FAM3C: variants seen among roughly 807,000 people sequenced by gnomAD.
The protein encoded by FAM3C is FAM3 metabolism regulating signaling molecule C.
Under a neutral mutation model 32.5 loss-of-function variants are expected in FAM3C, and 15 were observed. The observed-to-expected ratio is 0.46, with a 90% CI of 0.31 to 0.71. The LOEUF (loss-of-function observed/expected upper bound fraction) is 0.71, where lower values mean the gene tolerates loss of function less well. Ranked by LOEUF, FAM3C falls within the 30% of genes least tolerant of loss-of-function variation. The pLI, the probability that FAM3C is intolerant of heterozygous loss-of-function variation, is 0.05. For synonymous variants in FAM3C, 75 were observed against 86.1 expected (o/e 0.87, Z 0.72); for missense variants, 175 against 274.4 (o/e 0.64, Z 2.56).
intron 8 of FAM3C, among the ~76,000 whole-genome samples, chr7:121,358,994 C>A (rs936682996): frequency 6.6e-6 from 1 of 150,958 alleles, no homozygotes; most frequent in Admixed American, 6.6e-5. Flanking sequence ...GAAAAAAAAA[C>A]CACTTGTGAA....
chr7:121,394,033 C>T (rs1794634206), intron 1 of FAM3C, among the ~76,000 whole-genome samples: 1 of 152,030 alleles, frequency 6.6e-6, no homozygotes, highest in Non-Finnish European at 1.5e-5. Context: ...AAGAAATGGG[C>T]ATAAAAATAA....
chr7:121,361,732 G>A (rs146095284), intron 7 of FAM3C, among the ~76,000 whole-genome samples: 1 of 152,316 alleles, frequency 6.6e-6, no homozygotes, highest in African/African-American at 2.4e-5. Flanking sequence ...CTGGAGTGCA[G>A]TGGCAAGATC....
chr7:121,383,158 G>A, intron 1 of FAM3C, 148 bp from the exon 2 acceptor site: 1 of 532,050 alleles, frequency 1.9e-6, no homozygotes, highest in Non-Finnish European at 3.3e-6. Flanking sequence ...AAAAAAAAAT[G>A]GGCCTGTCTT....
chr7:121,392,452 G>C (rs541625891), intron 1 of FAM3C, among the ~76,000 whole-genome samples: 2 of 152,126 alleles, frequency 1.3e-5, no homozygotes, highest in African/African-American at 4.8e-5. Flanking sequence ...TCACTGTCAC[G>C]AGAACAACAT....
Position 121,349,437 on chromosome 7 carries a change from C to A in FAM3C, c.*1024G>T, listed in dbSNP as rs1347629953. The A allele has an allele frequency of 6.6e-6, 1 of 152,118 alleles. No individual in the cohort carries two copies. The highest frequency in any genetic ancestry group is 6.5e-5 in the Admixed American group (1 of 15,268). 9.4% of individuals were successfully genotyped at this position (152,118 alleles called of 1,614,324 possible). A position where few individuals can be genotyped will look rare whatever the true frequency, so the allele number is the denominator to read the frequency against. On this transcript the variant is annotated 3_prime_UTR_variant, in exon 10 of 10. Coordinates refer to ENST00000359943, the MANE Select transcript of FAM3C (RefSeq NM_014888.3). ...GGGTATAAAGTCATTTGGGGTCAAACACAATTATTTTTTAAATGTTATCAG... is the reference window on the plus strand; with the variant it reads ...GGGTATAAAGTCATTTGGGGTCAAAAACAATTATTTTTTAAATGTTATCAG...
intron 8 of FAM3C, among the ~76,000 whole-genome samples, chr7:121,351,742 G>T (rs1793709473): frequency 6.6e-6 from 1 of 152,124 alleles, no homozygotes; most frequent in Non-Finnish European, 1.5e-5. Flanking sequence ...TTATTTAAAA[G>T]AAAATGAATT....
intron 1 of FAM3C, among the ~76,000 whole-genome samples, chr7:121,393,732 T>A (rs931620808): frequency 6.6e-5 from 10 of 152,140 alleles, no homozygotes; most frequent in African/African-American, 2.2e-4. Flanking sequence ...TAAAAGAAAG[T>A]ACAAAACCTT....
chr7:121,393,138 T>C (rs900249545), intron 1 of FAM3C, among the ~76,000 whole-genome samples: 2 of 152,290 alleles, frequency 1.3e-5, no homozygotes, highest in Admixed American at 6.5e-5. Context: ...CATAACATCA[T>C]GAACGTGCTA....
chr7:121,385,742 T>C (rs1468537808), intron 1 of FAM3C, among the ~76,000 whole-genome samples: 1 of 152,180 alleles, frequency 6.6e-6, no homozygotes, highest in Non-Finnish European at 1.5e-5. Context: ...CACTCTATAT[T>C]GACAAAATTG....
At chr7:121,368,306 G>C (rs147770996) in intron 5 of FAM3C, among the ~76,000 whole-genome samples, 157 of 152,272 alleles carry the variant, frequency 1.0e-3, no homozygotes, top group African/African-American at 3.7e-3. Context: ...AAATTACAAT[G>C]TTCCCTGGAA....
chr7:121,385,777 G>A (rs946588954), intron 1 of FAM3C, among the ~76,000 whole-genome samples: 4 of 152,066 alleles, frequency 2.6e-5, no homozygotes, highest in African/African-American at 4.8e-5. Context: ...TTACCAGGAG[G>A]GGGATTTCTT....
intron 8 of FAM3C, among the ~76,000 whole-genome samples, chr7:121,352,906 C>A (rs1304838827): frequency 1.3e-5 from 2 of 152,194 alleles, no homozygotes; most frequent in Non-Finnish European, 2.9e-5. Context: ...TCTACACTTG[C>A]ATCATCAGCA....
At position 121,383,025 on chromosome 7, in the gene FAM3C, C is replaced by T; in HGVS notation, c.-41-15G>A. ...TTAATATGCTCCTAAAAAATCAAAA[C>T]AAAAAGCAAATATCATTAGCTCTAG... On this transcript the variant is annotated splice_polypyrimidine_tract_variant and intron_variant, in intron 1 of 9. Transcript: ENST00000359943. 7.0e-7 allele frequency: 1 copy of T among 1,427,660 alleles called. No individual in the cohort carries two copies. The allele number at this position is 1,427,660 out of a possible 1,614,324, so 88.4% of individuals were successfully genotyped here. A position where few individuals can be genotyped will look rare whatever the true frequency, so the allele number is the denominator to read the frequency against.
intron 8 of FAM3C, among the ~76,000 whole-genome samples, chr7:121,358,803 G>T (rs1183961097): frequency 6.6e-6 from 1 of 151,882 alleles, no homozygotes; most frequent in Non-Finnish European, 1.5e-5. Context: ...ATAGGCATTA[G>T]TCTAAAATTC....
chr7:121,381,690 A>G (rs1794360788), intron 2 of FAM3C, among the ~76,000 whole-genome samples: 2 of 151,304 alleles, frequency 1.3e-5, no homozygotes, highest in Admixed American at 1.3e-4. Flanking sequence ...ACACACACAC[A>G]CGCATGCAAC....
chr7:121,389,239 T>C (rs967150445), intron 1 of FAM3C, among the ~76,000 whole-genome samples: 5 of 152,136 alleles, frequency 3.3e-5, no homozygotes, highest in Non-Finnish European at 5.9e-5. Context: ...AAGAATTTCA[T>C]AGTACAACCC....
chr7:121,350,893 G>T (rs559360879), intron 9 of FAM3C, among the ~76,000 whole-genome samples: 15 of 152,206 alleles, frequency 9.9e-5, no homozygotes, highest in Admixed American at 7.9e-4. Flanking sequence ...TTCCGAAAAG[G>T]CTTAAGATAG....
chr7:121,357,506 T>TA (rs1562883632), intron 8 of FAM3C, among the ~76,000 whole-genome samples: 16 of 151,902 alleles, frequency 1.1e-4, no homozygotes, highest in South Asian at 4.1e-4. Context: ...GATAAAAGGG[T>TA]TATATATATA....
At chr7:121,385,822 T>C (rs1179092406) in intron 1 of FAM3C, among the ~76,000 whole-genome samples, 1 of 152,164 alleles carries the variant, frequency 6.6e-6, no homozygotes, top group Non-Finnish European at 1.5e-5. Flanking sequence ...AATACATACT[T>C]ATGTCAGTGC....
Sources: gnomAD v4.1 joint callset for allele counts (sites outside exome capture counted in the v4.1 genomes callset) on GRCh38, gnomAD v4.1.1 for gene constraint, MANE v1.5 for transcripts, NCBI Gene and HGNC (gene_info 2026-07-23, HGNC 2026-07-21) for gene names.